The following PLEKHH2 variants were observed in gnomAD, a reference collection of about 807,000 sequenced individuals.
PLEKHH2 encodes the protein pleckstrin homology domain-containing family H member 2.
Under a neutral mutation model 187.9 loss-of-function variants are expected in PLEKHH2, and 129 were observed. The observed-to-expected ratio is 0.69, with a 90% CI of 0.59 to 0.79. The LOEUF (loss-of-function observed/expected upper bound fraction) is 0.79, where lower values mean the gene tolerates loss of function less well. Ranked by LOEUF, PLEKHH2 falls within the 30% of genes least tolerant of loss-of-function variation. The probability of loss-of-function intolerance (pLI) is 0.00; values close to 1 mark genes in which losing one functional copy is unlikely to be tolerated. For synonymous variants in PLEKHH2, 686 were observed against 605.6 expected (o/e 1.13, Z -1.95); for missense variants, 2,076 against 1,751.2 (o/e 1.19, Z -3.31).
rs1488230337 is a variant in PLEKHH2, at chr2:43,753,678, A to G, written c.3713A>G (p.Tyr1238Cys). The G allele has an allele frequency of 1.9e-6, 3 of 1,583,370 alleles. No individual in the cohort carries two copies. Among genetic ancestry groups the G allele is most frequent in the Admixed American group, 1.8e-5 (1 of 54,576 alleles). The part of the protein sequence containing the change: ...ETDREKLLLM[Y>C]QTNDQIINGL... ...GATAGAGAAAAGTTGCTGTTAATGT[A>G]TCAGACAAATGATCAAATCATAAAT... Residue 1238 changes from tyrosine (Y) to cysteine (C), a missense_variant, in exon 25 of 30, where the codon TAT (tyrosine) becomes TGT (cysteine). Physicochemically the swap from Tyr to Cys is radical, Grantham distance 194 (BLOSUM62 -2). Transcript: ENST00000282406.
At chr2:43,761,782 T>G (rs1465308682) in intron 27 of PLEKHH2, among the ~76,000 whole-genome samples, 2 of 152,198 alleles carry the variant, frequency 1.3e-5, no homozygotes. Flanking sequence ...ATTACACAGT[T>G]TCATATTTTC....
chr2:43,744,868 A>C (rs1292521163), intron 23 of PLEKHH2, among the ~76,000 whole-genome samples: 2 of 123,288 alleles, frequency 1.6e-5, no homozygotes, highest in African/African-American at 7.3e-5. Context: ...ACTGTCTCAC[A>C]AAAAAAAAAA....
chr2:43,659,571 CTT>C (rs111878541), intron 2 of PLEKHH2, among the ~76,000 whole-genome samples: 4 of 138,028 alleles, frequency 2.9e-5, no homozygotes, highest in Non-Finnish European at 4.7e-5. Context: ...TTGCAAGGCA[CTT>C]TTTTTTTTTT....
chr2:43,711,483 T>A, intron 14 of PLEKHH2: 1 of 956,312 alleles, frequency 1.0e-6, no homozygotes, highest in Non-Finnish European at 1.2e-6. Flanking sequence ...ATATGCAAGA[T>A]CTTCTTATTT....
intron 3 of PLEKHH2, among the ~76,000 whole-genome samples, chr2:43,690,188 C>T (rs545223271): frequency 3.9e-5 from 6 of 152,318 alleles, no homozygotes; most frequent in South Asian, 4.1e-4. Flanking sequence ...GTCTGTCCTG[C>T]TTGGGCAGTT....
At chr2:43,740,000 G>C (rs973550192) in intron 20 of PLEKHH2, among the ~76,000 whole-genome samples, 4 of 152,128 alleles carry the variant, frequency 2.6e-5, no homozygotes, top group Non-Finnish European at 5.9e-5. Context: ...ATATATAACT[G>C]TCTCCTACTA....
chr2:43,697,406 C>A, intron 7 of PLEKHH2, 50 bp downstream of exon 7: 1 of 1,453,654 alleles, frequency 6.9e-7, no homozygotes, highest in Non-Finnish European at 9.4e-7. Context: ...AAAAGGAAGA[C>A]TCATTTGCTA....
At chr2:43,751,153 G>C (rs867814573) in intron 24 of PLEKHH2, among the ~76,000 whole-genome samples, 1 of 152,234 alleles carries the variant, frequency 6.6e-6, no homozygotes, top group Non-Finnish European at 1.5e-5. Context: ...ACTTGGTTCA[G>C]AGCCTGCCAC....
chr2:43,720,998 C>T (rs1208728495), intron 16 of PLEKHH2, among the ~76,000 whole-genome samples: 1 of 152,166 alleles, frequency 6.6e-6, no homozygotes, highest in Non-Finnish European at 1.5e-5. Context: ...GAACAGTCTT[C>T]TTCTATTCCC....
intron 2 of PLEKHH2, among the ~76,000 whole-genome samples, chr2:43,655,065 G>T (rs9679725): frequency 6.6e-6 from 1 of 151,646 alleles, no homozygotes. Context: ...AAATTAGCCA[G>T]GTGTGGTGTG....
intron 15 of PLEKHH2, among the ~76,000 whole-genome samples, chr2:43,713,454 C>T (rs994997442): frequency 1.3e-5 from 2 of 152,028 alleles, no homozygotes; most frequent in South Asian, 4.1e-4. Flanking sequence ...TTTGTACAAC[C>T]ATATAATGCT....
chr2:43,710,560 C>G lies in PLEKHH2; in HGVS notation c.2286C>G (p.Asn762Lys). 7.1e-7 allele frequency: 1 copy of G among 1,418,106 alleles called. No individual in the cohort carries two copies. Among genetic ancestry groups the G allele is most frequent in the Non-Finnish European group, 9.6e-7 (1 of 1,037,882 alleles). 87.8% of individuals were successfully genotyped at this position (1,418,106 alleles called of 1,614,324 possible). The change falls in exon 14 of 30, where the codon AAC becomes AAG. Residue 762 changes from asparagine (N) to lysine (K), a missense_variant. By Grantham distance (94) the Asn-to-Lys change is moderately conservative. Transcript: ENST00000282406. ...CCTGTAGTATTTTAAGAGGAGATAACAAACAAACAGTTCAGGTACTTAACT... is the reference window on the plus strand; with the variant it reads ...CCTGTAGTATTTTAAGAGGAGATAAGAAACAAACAGTTCAGGTACTTAACT... ...SASCSILRGD[N>K]KQTVQLTTEK...
chr2:43,647,476 A>G (rs987173493), intron 2 of PLEKHH2, among the ~76,000 whole-genome samples: 1 of 152,152 alleles, frequency 6.6e-6, no homozygotes. Context: ...CTTCTCTGAT[A>G]TATCTATCCA....
chr2:43,678,966 ACTC>A, intron 3 of PLEKHH2, 41 bp downstream of exon 3: 1 of 1,348,526 alleles, frequency 7.4e-7, no homozygotes, highest in Non-Finnish European at 1.1e-6. Context: ...TGCCTGTACT[ACTC>A]ACATAAAGAT....
chr2:43,742,532 G>A (rs1016593340), intron 21 of PLEKHH2, among the ~76,000 whole-genome samples: 2 of 152,060 alleles, frequency 1.3e-5, no homozygotes, highest in Non-Finnish European at 2.9e-5. Flanking sequence ...AATGCTTTGT[G>A]GGGAGGTTTG....
chr2:43,689,088 A>G (rs528550530), intron 3 of PLEKHH2, among the ~76,000 whole-genome samples: 9 of 152,310 alleles, frequency 5.9e-5, no homozygotes, highest in African/African-American at 2.2e-4. Context: ...ATATTAATAC[A>G]AAGGCAGCCT....
chr2:43,710,478 G>A lies in PLEKHH2; in HGVS notation c.2215-11G>A. On this transcript the variant is annotated splice_polypyrimidine_tract_variant and intron_variant, in intron 13 of 29. Coordinates refer to ENST00000282406, the MANE Select transcript of PLEKHH2 (RefSeq NM_172069.4). ...TTAATCACTTTCCATTTGTTTTTCTGTTTCATACAGAGTGATGTAATTAGA... is the reference window on the plus strand; with the variant it reads ...TTAATCACTTTCCATTTGTTTTTCTATTTCATACAGAGTGATGTAATTAGA... 6.3e-7 allele frequency: 1 copy of A among 1,591,498 alleles called. No individual in the cohort carries two copies. Among genetic ancestry groups the A allele is most frequent in the Non-Finnish European group, 8.5e-7 (1 of 1,174,982 alleles).
At chr2:43,718,294 C>T (rs1670309264) in intron 15 of PLEKHH2, among the ~76,000 whole-genome samples, 1 of 152,230 alleles carries the variant, frequency 6.6e-6, no homozygotes, top group East Asian at 1.9e-4. Context: ...AATCCCAGCA[C>T]TTTGGGAGGC....
intron 2 of PLEKHH2, among the ~76,000 whole-genome samples, chr2:43,666,179 C>T (rs907886686): frequency 1.1e-4 from 16 of 149,762 alleles, no homozygotes; most frequent in Non-Finnish European, 1.8e-4. Flanking sequence ...TCTCGTGGTG[C>T]GCCGTTTTTT....
Sources: gnomAD v4.1 joint callset for allele counts (sites outside exome capture counted in the v4.1 genomes callset) on GRCh38, gnomAD v4.1.1 for gene constraint, MANE v1.5 for transcripts, NCBI Gene and HGNC (gene_info 2026-07-23, HGNC 2026-07-21) for gene names.